The following NUP62CL variants were observed in gnomAD, a reference collection of about 807,000 sequenced individuals.
NUP62CL encodes the protein nucleoporin 62 C-terminal like, also known as nucleoporin-62 C-terminal-like protein.
A neutral mutation model predicts 15.3 loss-of-function variants in NUP62CL; 13 were observed. That is an observed-to-expected ratio of 0.85 (90% confidence interval 0.55 to 1.35). NUP62CL has a LOEUF of 1.35. Among genes scored for constraint, NUP62CL ranks in the 40% most tolerant of loss-of-function variants. NUP62CL has a pLI of 0.00. For synonymous variants in NUP62CL, 54 were observed against 49.2 expected (o/e 1.10, Z -0.41); for missense variants, 123 against 130.6 (o/e 0.94, Z 0.28).
At chrX:107,189,913 GAAAGAA>G (rs1927189998) in intron 2 of NUP62CL, among the ~76,000 whole-genome samples, 1 of 104,005 alleles carries the variant, frequency 9.6e-6, no homozygotes, top group Non-Finnish European at 2.0e-5. Context: ...AAGAAAGAAA[GAAAGAA>G]AGAAAGAAAG....
intron 1 of NUP62CL, among the ~76,000 whole-genome samples, chrX:107,193,816 A>C: frequency 8.9e-6 from 1 of 111,949 alleles, no homozygotes; most frequent in East Asian, 2.8e-4. Context: ...GCACAATCTG[A>C]ACAGCACATC....
At chrX:107,182,947 C>T (rs146033220) in intron 2 of NUP62CL, among the ~76,000 whole-genome samples, 1 of 111,538 alleles carries the variant, frequency 9.0e-6, no homozygotes, top group Non-Finnish European at 1.9e-5. Flanking sequence ...CCTGTAATCC[C>T]AGTGCATTGG....
Position 107,167,649 on chromosome X carries a change from C to A in NUP62CL, c.194G>T (p.Ser65Ile). The change falls in exon 4 of 9, where the codon AGT becomes ATT. Residue 65 changes from serine to isoleucine, a missense_variant and splice_region_variant. Ser to Ile is a moderately radical substitution (Grantham distance 142). Coordinates refer to ENST00000372466, the MANE Select transcript of NUP62CL (RefSeq NM_017681.3). ...ENLVPYTSTV[S>I]VVATPVMTYG... is the part of the protein sequence containing the mutation. The stretch of plus-strand genomic sequence containing the variant: ...CAAGTTTTTAAATAAATAGGCTTAC[C>A]TAACAGTTGAAGTATAAGGTACAAG... 1 of 1,175,314 alleles carries A rather than the reference C, an allele frequency of 8.5e-7. No individual in the cohort carries two copies. Among genetic ancestry groups the A allele is most frequent in the East Asian group, 3.0e-5 (1 of 32,961 alleles).
At chrX:107,197,964 G>T (rs1427197231) in intron 1 of NUP62CL, among the ~76,000 whole-genome samples, 1 of 112,424 alleles carries the variant, frequency 8.9e-6, no homozygotes, top group Non-Finnish European at 1.9e-5. Flanking sequence ...TATGTAAAGT[G>T]CTATGTGAAA....
rs140767102 is a variant in NUP62CL, at chrX:107,162,945, G to A, written c.194+4704C>T. Among the ~76,000 whole-genome samples, 439 of 111,387 alleles carry A rather than the reference G, an allele frequency of 3.9e-3. 9 individuals carry two copies. The highest frequency in any genetic ancestry group is 0.013 in the African/African-American group (392 of 30,659). ...GAGAATCTAATGTCTGATCTGACAG[G>A]AGGCGGAGCTCAGGCAGTAATGCAC... On this transcript the variant is annotated intron_variant, in intron 4 of 8. Coordinates refer to ENST00000372466, the MANE Select transcript of NUP62CL (RefSeq NM_017681.3).
chrX:107,153,558 T>G (rs1926101356), intron 5 of NUP62CL, 55 bp from the exon 6 acceptor site: 1 of 745,545 alleles, frequency 1.3e-6, no homozygotes, highest in Non-Finnish European at 1.9e-6. Flanking sequence ...ATATAACAAT[T>G]TTAGAGCAAT....
rs188746578 is a variant in NUP62CL, at chrX:107,123,506, A to C, written c.*869T>G. On this transcript the variant is annotated 3_prime_UTR_variant, in exon 9 of 9. Coordinates refer to ENST00000372466, the MANE Select transcript of NUP62CL (RefSeq NM_017681.3). ...AGGACATTACCTTTATTTATGACTT[A>C]GGTGAAACATGAAACACAGGAGACC... The C allele has an allele frequency of 9.0e-6, 1 of 110,663 alleles. No individual in the cohort carries two copies. Among genetic ancestry groups the C allele is most frequent in the East Asian group, 2.8e-4 (1 of 3,560 alleles). 9.1% of individuals were successfully genotyped at this position (110,663 alleles called of 1,213,427 possible).
chrX:107,166,012 A>G (rs747434443), intron 4 of NUP62CL, among the ~76,000 whole-genome samples: 1 of 111,948 alleles, frequency 8.9e-6, no homozygotes, highest in Non-Finnish European at 1.9e-5. Flanking sequence ...AAGATTTCTT[A>G]TAATTGACAC....
At chrX:107,131,809 T>C in intron 8 of NUP62CL, 1 of 1,136,844 alleles carries the variant, frequency 8.8e-7, no homozygotes, top group Non-Finnish European at 1.2e-6. Context: ...AGTGGACAGC[T>C]GTGTCTTTGC....
intron 8 of NUP62CL, among the ~76,000 whole-genome samples, chrX:107,133,510 A>AT (rs1480719949): frequency 2.7e-5 from 3 of 109,693 alleles, no homozygotes; most frequent in Non-Finnish European, 3.8e-5. Flanking sequence ...GTTTTTTTAC[A>AT]TTTTTTTTAA....
chrX:107,156,808 C>T (rs1483769146), intron 4 of NUP62CL, among the ~76,000 whole-genome samples: 1 of 107,923 alleles, frequency 9.3e-6, no homozygotes, highest in Non-Finnish European at 1.9e-5. Context: ...GAGAGGAAGG[C>T]TTCAGACGAT....
At chrX:107,129,077 C>T (rs765069243) in intron 8 of NUP62CL, among the ~76,000 whole-genome samples, 1 of 110,977 alleles carries the variant, frequency 9.0e-6, no homozygotes, top group African/African-American at 3.3e-5. Flanking sequence ...AAACATTTGT[C>T]AAATAGCAGT....
chrX:107,131,494 T>C (rs1925514690), intron 8 of NUP62CL, among the ~76,000 whole-genome samples: 1 of 112,212 alleles, frequency 8.9e-6, no homozygotes, highest in African/African-American at 3.2e-5. Flanking sequence ...AAGGAACCAT[T>C]AGTGAAATTG....
At chrX:107,159,985 C>T (rs1926315221) in intron 4 of NUP62CL, among the ~76,000 whole-genome samples, 1 of 105,427 alleles carries the variant, frequency 9.5e-6, no homozygotes, top group African/African-American at 3.5e-5. Context: ...TATACACCAA[C>T]AACAGACAAA....
rs1925313964 is a variant in NUP62CL, at chrX:107,123,616, G to A, written c.*759C>T. ...AAAAAAGAAAAACAAACAAATATACGGAAATCACCAACTATAAATCATATG... is the reference window on the plus strand; with the variant it reads ...AAAAAAGAAAAACAAACAAATATACAGAAATCACCAACTATAAATCATATG... On this transcript the variant is annotated 3_prime_UTR_variant, in exon 9 of 9. Coordinates refer to ENST00000372466, the MANE Select transcript of NUP62CL (RefSeq NM_017681.3). The A allele has an allele frequency of 1.8e-5, 2 of 110,115 alleles. No homozygotes were observed. Among genetic ancestry groups the A allele is most frequent in the East Asian group, 5.7e-4 (2 of 3,520 alleles). The allele number at this position is 110,115 out of a possible 1,213,427, so 9.1% of individuals were successfully genotyped here. A position where few individuals can be genotyped will look rare whatever the true frequency, so the allele number is the denominator to read the frequency against.
At chrX:107,205,285 T>A (rs1239562382) in intron 1 of NUP62CL, among the ~76,000 whole-genome samples, 1 of 111,839 alleles carries the variant, frequency 8.9e-6, no homozygotes, top group Non-Finnish European at 1.9e-5. Flanking sequence ...TGGCATAATA[T>A]CTATAATTTA....
At chrX:107,146,802 C>CA (rs1352293944) in intron 8 of NUP62CL, among the ~76,000 whole-genome samples, 2 of 111,618 alleles carry the variant, frequency 1.8e-5, no homozygotes, top group Non-Finnish European at 3.8e-5. Context: ...CCTTATTAGT[C>CA]ACTGAACAAT....
At chrX:107,165,274 T>C (rs1246556426) in intron 4 of NUP62CL, among the ~76,000 whole-genome samples, 2 of 108,642 alleles carry the variant, frequency 1.8e-5, no homozygotes, top group Non-Finnish European at 3.8e-5. Flanking sequence ...CACTGCACTC[T>C]AGCCTGGGCG....
rs1364531442 is a variant in NUP62CL, at chrX:107,152,071, TATATTCAG to T, written c.530+1093_530+1100del. ...TCAGATATATATATATATATATATA[TATATTCAG>T]ATATATATATATATATTCAGATATA... On this transcript the variant is annotated intron_variant, in intron 7 of 8. Transcript: ENST00000372466. Among the ~76,000 whole-genome samples, 405 of 65,037 alleles carry T rather than the reference TATATTCAG, an allele frequency of 6.2e-3. 21 individuals are homozygous for T. Among genetic ancestry groups the T allele is most frequent in the East Asian group, 0.027 (49 of 1,807 alleles). The allele number at this position is 65,037 out of a possible 115,157, so 56.5% of individuals were successfully genotyped here.
Sources: gnomAD v4.1 joint callset for allele counts (sites outside exome capture counted in the v4.1 genomes callset) on GRCh38, gnomAD v4.1.1 for gene constraint, MANE v1.5 for transcripts, NCBI Gene and HGNC (gene_info 2026-07-23, HGNC 2026-07-21) for gene names.